The following CASK variants were observed in gnomAD, a reference collection of about 807,000 sequenced individuals.
CASK encodes the protein peripheral plasma membrane protein CASK.
In CASK, 4 loss-of-function variants were observed where a neutral mutation model predicts 82.9. The ratio of observed to expected loss-of-function variants is 0.05; its 90% CI spans 0.02 to 0.11. The LOEUF is 0.11. Among genes scored for constraint, CASK ranks in the 10% least tolerant of loss-of-function variants. The pLI, the probability that CASK is intolerant of heterozygous loss-of-function variation, is 1.00. For missense variants in CASK, 358 were observed against 720.9 expected (o/e 0.50, Z 5.76); for synonymous variants, 259 against 253.5 (o/e 1.02, Z -0.20).
chrX:41,562,465 C>T (rs1034441660), intron 16 of CASK: 2 of 111,756 alleles, frequency 1.8e-5, no homozygotes, highest in East Asian at 2.8e-4. Flanking sequence ...TTTATAAAAA[C>T]GATTAAAGTG....
intron 14 of CASK, chrX:41,584,303 G>A (rs899943735): frequency 2.7e-5 from 3 of 112,509 alleles, no homozygotes; most frequent in African/African-American, 6.5e-5. Flanking sequence ...CTGACTCCAC[G>A]AGGTTGACTC....
At chrX:41,582,444 T>C (rs1187666499) in intron 14 of CASK, among the ~76,000 whole-genome samples, 4 of 111,083 alleles carry the variant, frequency 3.6e-5, no homozygotes, top group Admixed American at 1.9e-4. Flanking sequence ...GCCTCCTGAG[T>C]AGCTGGGACT....
chrX:41,701,821 T>C (rs955380809), intron 5 of CASK, among the ~76,000 whole-genome samples: 3 of 112,515 alleles, frequency 2.7e-5, no homozygotes, highest in African/African-American at 9.7e-5. Context: ...TTCACTGTTC[T>C]AGGTGCTTCC....
intron 8 of CASK, among the ~76,000 whole-genome samples, chrX:41,659,163 G>C (rs1441112429): frequency 1.8e-5 from 2 of 111,274 alleles, no homozygotes; most frequent in African/African-American, 6.5e-5. Context: ...CAAAATCAAA[G>C]GGTAGTGGTA....
intron 1 of CASK, among the ~76,000 whole-genome samples, chrX:41,859,689 G>T (rs2071440304): frequency 8.9e-6 from 1 of 111,933 alleles, no homozygotes; most frequent in Non-Finnish European, 1.9e-5. Flanking sequence ...GGGAAAATAC[G>T]TGAGTTAGGG....
intron 2 of CASK, among the ~76,000 whole-genome samples, chrX:41,835,168 A>AT (rs1346049038): frequency 8.9e-6 from 1 of 112,782 alleles, no homozygotes; most frequent in Non-Finnish European, 1.9e-5. Flanking sequence ...GATAAAAATC[A>AT]TTTTTAACTT....
At chrX:41,922,287 C>T (rs1386890756) in intron 1 of CASK, among the ~76,000 whole-genome samples, 1 of 111,591 alleles carries the variant, frequency 9.0e-6, no homozygotes, top group Non-Finnish European at 1.9e-5. Flanking sequence ...CTCTACCACG[C>T]TAACCACCAT....
chrX:41,671,583 G>T, intron 5 of CASK, 53 bp from the exon 6 acceptor site: 1 of 767,901 alleles, frequency 1.3e-6, no homozygotes, highest in Admixed American at 2.3e-5. Context: ...CGAAGATAAG[G>T]ATTCATTGAA....
intron 2 of CASK, among the ~76,000 whole-genome samples, chrX:41,822,557 CAAAAAAAAAAAA>C (rs61374081): frequency 3.9e-5 from 2 of 50,678 alleles, no homozygotes; most frequent in African/African-American, 8.9e-5. Flanking sequence ...GACTCCGTCT[CAAAAAAAAAAAA>C]AAAAAAAAAA....
At chrX:41,669,675 A>G (rs1277831726) in intron 6 of CASK, among the ~76,000 whole-genome samples, 1 of 112,017 alleles carries the variant, frequency 8.9e-6, no homozygotes, top group Non-Finnish European at 1.9e-5. Context: ...CAAGATCAGT[A>G]TGAACCATCA....
At chrX:41,618,581 G>T (rs1171166603) in intron 11 of CASK, among the ~76,000 whole-genome samples, 1 of 111,237 alleles carries the variant, frequency 9.0e-6, no homozygotes, top group Admixed American at 9.6e-5. Flanking sequence ...GGGATTATAG[G>T]CATTGAGCCA....
intron 2 of CASK, among the ~76,000 whole-genome samples, chrX:41,807,572 GTTA>G (rs1323164729): frequency 9.0e-6 from 1 of 111,517 alleles, no homozygotes; most frequent in African/African-American, 3.3e-5. Flanking sequence ...GTTTTCTGCT[GTTA>G]TAACAGAAAC....
intron 5 of CASK, among the ~76,000 whole-genome samples, chrX:41,706,314 C>T (rs2067884164): frequency 9.0e-6 from 1 of 111,059 alleles, no homozygotes; most frequent in African/African-American, 3.3e-5. Flanking sequence ...ATGCAAGTCT[C>T]ATGGCCCAGT....
chrX:41,820,170 T>C (rs766945639), intron 2 of CASK, among the ~76,000 whole-genome samples: 1 of 105,871 alleles, frequency 9.4e-6, no homozygotes, highest in Non-Finnish European at 1.9e-5. Context: ...CAATATAAGA[T>C]CACTGAATTG....
chrX:41,764,077 G>A (rs1324177535), intron 3 of CASK, among the ~76,000 whole-genome samples: 1 of 112,021 alleles, frequency 8.9e-6, no homozygotes, highest in East Asian at 2.8e-4. Flanking sequence ...GCACATCTCA[G>A]AAATGAGGCC....
chrX:41,789,396 G>A (rs1345969230), intron 2 of CASK, among the ~76,000 whole-genome samples: 1 of 111,814 alleles, frequency 8.9e-6, no homozygotes, highest in Non-Finnish European at 1.9e-5. Flanking sequence ...TGGATGTTTG[G>A]AGCCCAGCAT....
chrX:41,869,754 A>G (rs1161933408), intron 1 of CASK, among the ~76,000 whole-genome samples: 1 of 90,509 alleles, frequency 1.1e-5, no homozygotes, highest in African/African-American at 4.1e-5. Context: ...CAGAGGTTGC[A>G]GTGAGCCGAG....
At chrX:41,680,854 G>A (rs912433769) in intron 5 of CASK, among the ~76,000 whole-genome samples, 1 of 110,740 alleles carries the variant, frequency 9.0e-6, no homozygotes, top group African/African-American at 3.3e-5. Context: ...GGTGGAGGTT[G>A]CGGTAAGCCG....
chrX:41,536,300 G>T (rs1365377235), intron 22 of CASK, among the ~76,000 whole-genome samples: 1 of 110,612 alleles, frequency 9.0e-6, no homozygotes, highest in Non-Finnish European at 1.9e-5. Flanking sequence ...TTGAGATGGG[G>T]TTTCACCATG....
Sources: allele counts gnomAD v4.1 joint callset (sites outside exome capture counted in the v4.1 genomes callset), GRCh38; gene constraint gnomAD v4.1.1; transcripts MANE v1.5; gene names NCBI Gene and HGNC (gene_info 2026-07-23, HGNC 2026-07-21).